Variants in FOXP2 observed in about 807,000 individuals in gnomAD.
FOXP2 encodes the protein forkhead box P2.
A neutral mutation model predicts 115.8 loss-of-function variants in FOXP2; 12 were observed. That is an observed-to-expected ratio of 0.10 (90% confidence interval 0.07 to 0.17). The LOEUF (loss-of-function observed/expected upper bound fraction) is 0.17. FOXP2 is among the 10% of genes least tolerant of loss of function. The pLI is 1.00. For missense variants in FOXP2, 629 were observed against 843.5 expected, an observed-to-expected ratio of 0.75 and a Z score of 3.15; for synonymous variants, 328 against 297.7, an observed-to-expected ratio of 1.10 and a Z score of -1.05.
At chr7:114,331,672 T>C (rs1224079929) in intron 2 of FOXP2, among the ~76,000 whole-genome samples, 2 of 151,952 alleles carry the variant, frequency 1.3e-5, no homozygotes, top group African/African-American at 4.8e-5. Context: ...TTTTTTTTTT[T>C]TCTTTTGTTT....
At chr7:114,347,526 G>A (rs1791376602) in intron 2 of FOXP2, among the ~76,000 whole-genome samples, 1 of 151,968 alleles carries the variant, frequency 6.6e-6, no homozygotes, top group African/African-American at 2.4e-5. Flanking sequence ...AACCTTGAAA[G>A]TTGGCATTCA....
intron 3 of FOXP2, among the ~76,000 whole-genome samples, chr7:114,541,667 C>T (rs144937130): frequency 6.6e-6 from 1 of 151,430 alleles, no homozygotes; most frequent in African/African-American, 2.4e-5. Flanking sequence ...ACTTTTGCTT[C>T]TCAGATTGCA....
chr7:114,237,647 T>TC lies in FOXP2; in HGVS notation c.-101-50372_-101-50371insC, dbSNP rs111366718. Among the ~76,000 whole-genome samples the TC allele has an allele frequency of 1.2e-3, 181 of 149,140 alleles. 1 individual carries two copies. The highest frequency in any genetic ancestry group is 4.2e-3 in the African/African-American group (169 of 39,870). ...TTTGTTGCTTCATTCTTTCCTTGCT[T>TC]TTTTTTTTGTTTGTTTTTTAAAAAA... On this transcript the variant is annotated intron_variant, in intron 1 of 17. Coordinates refer to the FOXP2 transcript ENST00000634411.
chr7:114,632,740 A>G (rs2129328743), intron 6 of FOXP2, among the ~76,000 whole-genome samples: 1 of 152,178 alleles, frequency 6.6e-6, no homozygotes, highest in South Asian at 2.1e-4. Context: ...CAAATCTTCT[A>G]ATTCACCTGA....
At chr7:114,530,660 A>G (rs921091955) in intron 2 of FOXP2, among the ~76,000 whole-genome samples, 2 of 151,986 alleles carry the variant, frequency 1.3e-5, no homozygotes, top group East Asian at 3.9e-4. Context: ...AAAAGTATTT[A>G]TCTGGCAGGT....
Position 114,516,075 on chromosome 7 carries a change from A to G in FOXP2, c.169-18542A>G, listed in dbSNP as rs568065135. 1.4e-4 allele frequency among the ~76,000 whole-genome samples: 21 copies of G among 152,208 alleles called. No homozygotes were observed. In the South Asian group the frequency reaches 3.3e-3, roughly 24 times the overall value. On this transcript the variant is annotated intron_variant, in intron 2 of 16. Coordinates refer to ENST00000350908, the MANE Select transcript of FOXP2 (RefSeq NM_014491.4). ...AAAAAACTACTTTAAAGTTCATATGAAACCAAAAAAGAGCCCGCATCGCCA... is the reference window on the plus strand; with the variant it reads ...AAAAAACTACTTTAAAGTTCATATGGAACCAAAAAAGAGCCCGCATCGCCA...
intron 2 of FOXP2, among the ~76,000 whole-genome samples, chr7:114,341,055 CTTAT>C (rs1313857151): frequency 1.3e-5 from 2 of 151,192 alleles, no homozygotes; most frequent in Non-Finnish European, 3.0e-5. Flanking sequence ...TTCGTTTTAA[CTTAT>C]TTATCTGGAA....
In FOXP2 at chr7:114,395,675, G is replaced by T. The variant is rs994013508; in HGVS notation, c.-10-30827G>T. 3.9e-5 allele frequency among the ~76,000 whole-genome samples: 6 copies of T among 152,034 alleles called. No individual in the cohort carries two copies. In the South Asian group the frequency reaches 6.2e-4, roughly 16 times the overall value. On this transcript the variant is annotated intron_variant, in intron 2 of 17. Transcript: ENST00000634411. ...ACTTGATATGACCAAAACATGAGATGTAGATTTGAGAGAGCAGGATTAAAA... is the reference window on the plus strand; with the variant it reads ...ACTTGATATGACCAAAACATGAGATTTAGATTTGAGAGAGCAGGATTAAAA...
intron 1 of FOXP2, among the ~76,000 whole-genome samples, chr7:114,119,965 C>T (rs988020950): frequency 6.6e-6 from 1 of 152,134 alleles, no homozygotes; most frequent in Non-Finnish European, 1.5e-5. Flanking sequence ...GCTGATCTTC[C>T]AATCCTACTT....
chr7:114,255,809 T>C (rs888010863), intron 1 of FOXP2, among the ~76,000 whole-genome samples: 1 of 152,082 alleles, frequency 6.6e-6, no homozygotes, highest in East Asian at 1.9e-4. Flanking sequence ...CTGCAACCAC[T>C]GTCTGCCAAG....
chr7:114,214,397 G>A (rs900414258), intron 1 of FOXP2, among the ~76,000 whole-genome samples: 3 of 152,018 alleles, frequency 2.0e-5, no homozygotes, highest in African/African-American at 7.2e-5. Flanking sequence ...GACTTCTTAG[G>A]GTCATGAATT....
intron 1 of FOXP2, among the ~76,000 whole-genome samples, chr7:114,220,033 ATT>A (rs142683981): frequency 2.9e-5 from 4 of 137,450 alleles, no homozygotes; most frequent in Admixed American, 7.3e-5. Context: ...TGCTCAGCTA[ATT>A]TTTTTTTTTT....
chr7:114,304,348 A>G (rs1796953315), intron 2 of FOXP2, among the ~76,000 whole-genome samples: 1 of 152,016 alleles, frequency 6.6e-6, no homozygotes, highest in South Asian at 2.1e-4. Flanking sequence ...AAAAAATTAT[A>G]TCATTCATTT....
chr7:114,556,416 C>T (rs138409473), intron 3 of FOXP2, among the ~76,000 whole-genome samples: 1 of 152,122 alleles, frequency 6.6e-6, no homozygotes, highest in Non-Finnish European at 1.5e-5. Flanking sequence ...AAAGGAACTA[C>T]CACATCCTCC....
At chr7:114,384,510 A>T (rs1383088289) in intron 2 of FOXP2, among the ~76,000 whole-genome samples, 2 of 152,028 alleles carry the variant, frequency 1.3e-5, no homozygotes. Flanking sequence ...ATGACTGAAT[A>T]CCCATTGTAT....
upstream of FOXP2, among the ~76,000 whole-genome samples, chr7:114,411,074 A>G (rs551194087): frequency 6.6e-6 from 1 of 152,246 alleles, no homozygotes; most frequent in African/African-American, 2.4e-5. Context: ...ATGGGAAAAA[A>G]GACACATGAG....
At chr7:114,324,936 G>A (rs1797520865) in intron 2 of FOXP2, among the ~76,000 whole-genome samples, 1 of 151,764 alleles carries the variant, frequency 6.6e-6, no homozygotes, top group Non-Finnish European at 1.5e-5. Flanking sequence ...GTAGGTGTAT[G>A]TATTAATATT....
At chr7:114,527,961 C>T (rs773970059) in intron 2 of FOXP2, among the ~76,000 whole-genome samples, 10 of 152,096 alleles carry the variant, frequency 6.6e-5, no homozygotes, top group Non-Finnish European at 1.3e-4. Flanking sequence ...TCACTCTCTT[C>T]ATCCCTTATC....
In FOXP2 at chr7:114,658,150, A is replaced by G; in HGVS notation, c.1351A>G (p.Thr451Ala). 1 of 1,613,706 alleles carries G rather than the reference A, an allele frequency of 6.2e-7. No individual in the cohort carries two copies. Among genetic ancestry groups the G allele is most frequent in the Non-Finnish European group, 8.5e-7 (1 of 1,179,864 alleles). The change falls in exon 11 of 17, where the codon ACG becomes GCG. Residue 451 changes from threonine (T) to alanine (A), a missense_variant. Physicochemically the swap from Thr to Ala is moderately conservative, Grantham distance 58 (BLOSUM62 0). Around this residue, in one of 9 missense-constraint regions of FOXP2, gnomAD observed 101 missense variants for 116.0 expected, o/e 0.87. Transcript: ENST00000350908. ...QSLPQTPTTP[T>A]APVTPITQGP... ...CTTACCTCAAACCCCTACCACACCA[A>G]CGGCCCCAGTCACCCCGATTACCCA...
Sources: gnomAD v4.1 joint callset for allele counts (sites outside exome capture counted in the v4.1 genomes callset) on GRCh38, gnomAD v4.1.1 for gene constraint, gnomAD v4.1.1 regional missense constraint, MANE v1.5 for transcripts, NCBI Gene and HGNC (gene_info 2026-07-23, HGNC 2026-07-21) for gene names.